Variants in DPYD observed in about 807,000 individuals in gnomAD.
DPYD encodes the protein dihydropyrimidine dehydrogenase [NADP(+)].
DPYD carries 109 observed loss-of-function variants against 116.2 expected under a neutral mutation model. The observed-to-expected ratio is 0.94, with a 90% CI of 0.80 to 1.10. DPYD has a LOEUF of 1.10. Among genes scored for constraint, DPYD ranks in the 50% least tolerant of loss-of-function variants. The pLI, the probability that DPYD is intolerant of heterozygous loss-of-function variation, is 0.00. For synonymous variants in DPYD, 440 were observed against 432.0 expected (o/e 1.02, Z -0.23); for missense variants, 1,302 against 1,254.5 (o/e 1.04, Z -0.57).
intron 20 of DPYD, among the ~76,000 whole-genome samples, chr1:97,161,815 T>C (rs1655925152): frequency 6.8e-6 from 1 of 146,196 alleles, no homozygotes; most frequent in African/African-American, 2.5e-5. Flanking sequence ...AGTGAGAACA[T>C]GGGGTGTTTG....
chr1:97,651,709 C>A (rs1284494581), intron 8 of DPYD, among the ~76,000 whole-genome samples: 1 of 152,066 alleles, frequency 6.6e-6, no homozygotes, highest in Non-Finnish European at 1.5e-5. Flanking sequence ...TTTCTGAATT[C>A]AATATGCTTT....
At chr1:97,710,023 C>G (rs1184317047) in intron 5 of DPYD, among the ~76,000 whole-genome samples, 1 of 151,704 alleles carries the variant, frequency 6.6e-6, no homozygotes, top group Non-Finnish European at 1.5e-5. Context: ...ACATACCTCA[C>G]AAGAGGATTA....
intron 14 of DPYD, among the ~76,000 whole-genome samples, chr1:97,413,266 G>GA (rs762949733): frequency 1.8e-4 from 28 of 151,934 alleles, no homozygotes; most frequent in Non-Finnish European, 2.8e-4. Context: ...GGGACAGATA[G>GA]AAAAAAATGG....
intron 19 of DPYD, among the ~76,000 whole-genome samples, chr1:97,218,680 C>G (rs1000819768): frequency 6.6e-6 from 1 of 151,420 alleles, no homozygotes; most frequent in Non-Finnish European, 1.5e-5. Flanking sequence ...GCAATAAACT[C>G]AGAAGAAATC....
At chr1:97,597,255 A>AT (rs1254470544) in intron 8 of DPYD, among the ~76,000 whole-genome samples, 3 of 152,202 alleles carry the variant, frequency 2.0e-5, no homozygotes, top group Admixed American at 6.5e-5. Flanking sequence ...CAGGTCACAC[A>AT]TAGGGCCTCA....
chr1:97,679,059 A>C (rs1184613170), intron 8 of DPYD, 36 bp downstream of exon 8: 2 of 1,019,976 alleles, frequency 2.0e-6, no homozygotes, highest in Admixed American at 5.7e-5. Flanking sequence ...AAAAAAATAC[A>C]TTATAAATAA....
chr1:97,162,735 A>G (rs915772913), intron 20 of DPYD, among the ~76,000 whole-genome samples: 1 of 152,238 alleles, frequency 6.6e-6, no homozygotes, highest in Non-Finnish European at 1.5e-5. Flanking sequence ...AAACTATAGT[A>G]CAAGGCTACA....
chr1:97,639,463 T>C (rs1657756105), intron 8 of DPYD, among the ~76,000 whole-genome samples: 1 of 152,158 alleles, frequency 6.6e-6, no homozygotes, highest in Non-Finnish European at 1.5e-5. Flanking sequence ...TTCAGTTGCT[T>C]TCCTTCATCT....
intron 20 of DPYD, among the ~76,000 whole-genome samples, chr1:97,190,448 T>C (rs2101817919): frequency 6.6e-6 from 1 of 152,260 alleles, no homozygotes; most frequent in Admixed American, 6.5e-5. Context: ...TCAATGCTAG[T>C]GGGGCCTGGG....
intron 4 of DPYD, among the ~76,000 whole-genome samples, chr1:97,727,001 C>A (rs1299379234): frequency 1.3e-5 from 2 of 151,542 alleles, no homozygotes; most frequent in Non-Finnish European, 3.0e-5. Flanking sequence ...AACCCTTTCA[C>A]TAAAATAAAA....
In DPYD at chr1:97,573,863, C is replaced by T. The variant is rs56038477; in HGVS notation, c.1236G>A (p.Glu412=). 0.019 allele frequency: 30,300 copies of T among 1,613,680 alleles called. 358 individuals are homozygous for T. Among genetic ancestry groups the T allele is most frequent in the Non-Finnish European group, 0.022 (26,048 of 1,179,710 alleles). ...CATTCCATTTTCCAGTTTCATCTTG[C>T]TCTGTCCGAACAAACTGCATAGCAA... ...RIVAMQFVRT[E]QDETGKWNED... Residue 412 remains glutamate (E), a synonymous_variant, in exon 11 of 23, where the codon GAG becomes GAA. Coordinates refer to ENST00000370192, the MANE Select transcript of DPYD (RefSeq NM_000110.4).
chr1:97,203,793 CAAAAAAAAA>C (rs56819543), intron 19 of DPYD, among the ~76,000 whole-genome samples: 8,125 of 66,140 alleles, frequency 0.12, 359 homozygotes, highest in South Asian at 0.31. Context: ...ATTCACATTC[CAAAAAAAAA>C]AAAAAAAAAA....
At chr1:97,885,337 C>A (rs1386837255) in intron 1 of DPYD, among the ~76,000 whole-genome samples, 1 of 151,904 alleles carries the variant, frequency 6.6e-6, no homozygotes. Flanking sequence ...ACAACAGACA[C>A]AAGCTAAAAA....
Position 97,460,270 on chromosome 1 carries a change from T to C in DPYD, c.1741-10047A>G, listed in dbSNP as rs571954346. 1.2e-4 allele frequency among the ~76,000 whole-genome samples: 18 copies of C among 152,312 alleles called. 1 individual carries two copies. Among genetic ancestry groups the C allele is most frequent in the Admixed American group, 2.6e-4 (4 of 15,302 alleles). The stretch of plus-strand genomic sequence containing the variant: ...TCTGAATGATGTTTTAGAAAGAATA[T>C]TGATTCTAGTCATTCCACTAACAAA... On this transcript the variant is annotated intron_variant, in intron 13 of 22. Transcript: ENST00000370192.
chr1:97,914,682 C>G (rs902717397), intron 1 of DPYD, among the ~76,000 whole-genome samples: 9 of 152,086 alleles, frequency 5.9e-5, no homozygotes, highest in African/African-American at 2.2e-4. Context: ...TTTGTACCAT[C>G]TGAAACTTAC....
chr1:97,670,050 A>G (rs1659772543), intron 8 of DPYD, among the ~76,000 whole-genome samples: 1 of 152,140 alleles, frequency 6.6e-6, no homozygotes, highest in Non-Finnish European at 1.5e-5. Flanking sequence ...ACATGAATAC[A>G]ATGTAGTCTT....
intron 8 of DPYD, among the ~76,000 whole-genome samples, chr1:97,621,334 T>C (rs1353697378): frequency 6.6e-6 from 1 of 152,052 alleles, no homozygotes; most frequent in Non-Finnish European, 1.5e-5. Flanking sequence ...CACTGTTGTA[T>C]TGGGAGGTTA....
At chr1:97,663,602 C>T (rs1333383858) in intron 8 of DPYD, among the ~76,000 whole-genome samples, 4 of 152,158 alleles carry the variant, frequency 2.6e-5, no homozygotes, top group African/African-American at 9.7e-5. Flanking sequence ...TTTCACAGTG[C>T]GACCAAACCT....
intron 3 of DPYD, among the ~76,000 whole-genome samples, chr1:97,765,841 A>G (rs184910184): frequency 6.6e-6 from 1 of 152,324 alleles, no homozygotes; most frequent in East Asian, 1.9e-4. Context: ...AAGGCTGATA[A>G]TTGATGCAAA....
Sources: allele counts gnomAD v4.1 joint callset (sites outside exome capture counted in the v4.1 genomes callset), GRCh38; gene constraint gnomAD v4.1.1; transcripts MANE v1.5; gene names NCBI Gene and HGNC (gene_info 2026-07-23, HGNC 2026-07-21).